CD59: variants seen among roughly 807,000 people sequenced by gnomAD.
CD59 encodes CD59 molecule (CD59 blood group), also known as CD59 glycoprotein.
Under a neutral mutation model 7.0 loss-of-function variants are expected in CD59, and 3 were observed. The ratio of observed to expected loss-of-function variants is 0.43; its 90% CI spans 0.19 to 1.10. CD59 has a LOEUF of 1.10. Among genes scored for constraint, CD59 ranks in the 50% least tolerant of loss-of-function variants. The pLI is 0.29. For missense variants in CD59, 143 were observed against 151.0 expected (o/e 0.95, Z 0.28); for synonymous variants, 60 against 62.0 (o/e 0.97, Z 0.15).
chr11:33,726,040 A>G (rs1249634254), intron 1 of CD59, among the ~76,000 whole-genome samples: 1 of 152,242 alleles, frequency 6.6e-6, no homozygotes, highest in East Asian at 1.9e-4. Context: ...GCAAGTTCTT[A>G]GAGACCTACA....
At chr11:33,714,168 T>C (rs752636485) in intron 3 of CD59, among the ~76,000 whole-genome samples, 1 of 152,210 alleles carries the variant, frequency 6.6e-6, no homozygotes, top group Non-Finnish European at 1.5e-5. Context: ...CACCATCATA[T>C]CTGTCTCTGT....
At chr11:33,712,467 G>A (rs1401186545) in intron 3 of CD59, among the ~76,000 whole-genome samples, 3 of 152,200 alleles carry the variant, frequency 2.0e-5, no homozygotes, top group African/African-American at 7.2e-5. Context: ...ATGAAGTACT[G>A]ATACATGCCA....
At chr11:33,716,659 T>G (rs544333909) in intron 3 of CD59, among the ~76,000 whole-genome samples, 1 of 152,126 alleles carries the variant, frequency 6.6e-6, no homozygotes, top group Non-Finnish European at 1.5e-5. Flanking sequence ...GTGATGGAGG[T>G]GAATATTCTG....
At chr11:33,715,820 C>A (rs187628215) in intron 3 of CD59, among the ~76,000 whole-genome samples, 1 of 152,302 alleles carries the variant, frequency 6.6e-6, no homozygotes, top group Admixed American at 6.5e-5. Flanking sequence ...CCAACACATA[C>A]ATTTCATAAA....
chr11:33,720,743 A>G (rs1854021803), intron 2 of CD59, among the ~76,000 whole-genome samples: 1 of 145,436 alleles, frequency 6.9e-6, no homozygotes, highest in Admixed American at 6.9e-5. Flanking sequence ...AAAAAAACAA[A>G]CAAAAAAAAA....
rs1853318530 is a variant in CD59 at position 33,706,564 on chromosome 11, A to C, written c.*3562T>G. The C allele has an allele frequency of 6.6e-6, 1 of 151,926 alleles. No individual in the cohort carries two copies. The allele number at this position is 151,926 out of a possible 1,614,324, so 9.4% of individuals were successfully genotyped here. A position where few individuals can be genotyped will look rare whatever the true frequency, so the allele number is the denominator to read the frequency against. On this transcript the variant is annotated 3_prime_UTR_variant, in exon 4 of 4. Coordinates refer to ENST00000642928, the MANE Select transcript of CD59 (RefSeq NM_000611.6). ...TCAGAAAGGGTTTAAAAAAAAAAAA[A>C]AAAAAAAACTTGTCCAGAGACATAG...
intron 1 of CD59, among the ~76,000 whole-genome samples, chr11:33,733,923 A>G (rs1854490091): frequency 6.6e-6 from 1 of 152,236 alleles, no homozygotes; most frequent in African/African-American, 2.4e-5. Context: ...GTGTCCTCAA[A>G]ATAAAACCCA....
At chr11:33,717,850 C>T in intron 2 of CD59, 2 of 295,388 alleles carry the variant, frequency 6.8e-6, no homozygotes, top group South Asian at 3.3e-5. Flanking sequence ...ATCACATCCT[C>T]GTGGGTTGAT....
chr11:33,718,918 C>T (rs923656971), intron 2 of CD59: 2 of 152,118 alleles, frequency 1.3e-5, no homozygotes, highest in African/African-American at 4.8e-5. Flanking sequence ...GTATGGATAC[C>T]CCCTTTTCCA....
chr11:33,713,226 T>C (rs1391010667), intron 3 of CD59, among the ~76,000 whole-genome samples: 3 of 152,184 alleles, frequency 2.0e-5, no homozygotes, highest in Admixed American at 6.5e-5. Flanking sequence ...ATGGTAGATT[T>C]TCTTCTCCAA....
Position 33,710,318 on chromosome 11 carries a change from C to G in CD59, c.195G>C (p.Trp65Cys). Reference protein sequence around the residue: ...KAGLQVYNKCWKFEHCNFNDV... With the variant: ...KAGLQVYNKCCKFEHCNFNDV... ...CGTTGAAATTGCAATGCTCAAACTT[C>G]CAACACTTGTTATACACTTGTAACC... Residue 65 changes from tryptophan (W) to cysteine (C), a missense_variant, in exon 4 of 4, where the codon TGG becomes TGC. Coordinates refer to ENST00000642928, the MANE Select transcript of CD59 (RefSeq NM_000611.6). 1.9e-6 allele frequency: 3 copies of G among 1,614,124 alleles called. No homozygotes were observed. The highest frequency in any genetic ancestry group is 1.7e-5 in the Admixed American group (1 of 60,008).
chr11:33,705,755 C>G lies in CD59; in HGVS notation c.*4371G>C, dbSNP rs1458413974. ...CCTAATAACCTCCCTTTCATATATA[C>G]ATATATCCTACTAATTCTGTCCCTC... On this transcript the variant is annotated 3_prime_UTR_variant, in exon 4 of 4. Transcript: ENST00000642928. 1 of 152,204 alleles carries G rather than the reference C, an allele frequency of 6.6e-6. No homozygotes were observed. Among genetic ancestry groups the G allele is most frequent in the Non-Finnish European group, 1.5e-5 (1 of 68,038 alleles). 9.4% of individuals were successfully genotyped at this position (152,204 alleles called of 1,614,324 possible).
chr11:33,728,593 T>G (rs1364988427), intron 1 of CD59, among the ~76,000 whole-genome samples: 1 of 152,112 alleles, frequency 6.6e-6, no homozygotes, highest in Admixed American at 6.6e-5. Context: ...GGCAATACCA[T>G]TCAGGACATA....
rs1434998918 is a variant in CD59, at chr11:33,706,814, T to C, written c.*3312A>G. Reference sequence around the variant, plus strand: ...CAGTAAAAAACAATTGCACTTTGTTTTCTTTTCCAAAAAGAGGCAGAAACT... The same window carrying C: ...CAGTAAAAAACAATTGCACTTTGTTCTCTTTTCCAAAAAGAGGCAGAAACT... On this transcript the variant is annotated 3_prime_UTR_variant, in exon 4 of 4. Transcript: ENST00000642928. 1.3e-5 allele frequency: 2 copies of C among 152,220 alleles called. No homozygotes were observed. Among genetic ancestry groups the C allele is most frequent in the East Asian group, 3.8e-4 (2 of 5,200 alleles). The allele number at this position is 152,220 out of a possible 1,614,324, so 9.4% of individuals were successfully genotyped here. A position where few individuals can be genotyped will look rare whatever the true frequency, so the allele number is the denominator to read the frequency against.
At chr11:33,730,810 C>T (rs1267829129) in intron 1 of CD59, among the ~76,000 whole-genome samples, 1 of 152,104 alleles carries the variant, frequency 6.6e-6, no homozygotes, top group Non-Finnish European at 1.5e-5. Flanking sequence ...GGCCACGCTC[C>T]CAAGAAGCAG....
rs142112589 is a variant in CD59 at position 33,713,430 on chromosome 11, GC to G, written c.170-3088del. Among the ~76,000 whole-genome samples, 85 of 152,310 alleles carry G rather than the reference GC, an allele frequency of 5.6e-4. No individual in the cohort carries two copies. The East Asian group carries it at 0.014, about 26-fold the overall frequency. On this transcript the variant is annotated intron_variant, in intron 3 of 3. Coordinates refer to ENST00000642928, the MANE Select transcript of CD59 (RefSeq NM_000611.6). ...AACACTTCTCAGTTTATAACTGCAG[GC>G]ATAACTGTCCTGTCCTCCTCCTCTG...
At chr11:33,714,457 G>A (rs1425630850) in intron 3 of CD59, among the ~76,000 whole-genome samples, 1 of 152,222 alleles carries the variant, frequency 6.6e-6, no homozygotes, top group African/African-American at 2.4e-5. Flanking sequence ...GGAAGTCAGT[G>A]AATGAGTGGT....
rs571635983 is a variant in CD59, at chr11:33,706,680, A to T, written c.*3446T>A. On this transcript the variant is annotated 3_prime_UTR_variant, in exon 4 of 4. Transcript: ENST00000642928. ...TCTCCTGAAATGAAATATCTACAAG[A>T]AGTAGCAGGCATTGAGAAACAGATG... The T allele has an allele frequency of 2.0e-5, 3 of 152,202 alleles. No homozygotes were observed. Among genetic ancestry groups the T allele is most frequent in the Non-Finnish European group, 4.4e-5 (3 of 68,032 alleles). The allele number at this position is 152,202 out of a possible 1,614,324, so 9.4% of individuals were successfully genotyped here. A position where few individuals can be genotyped will look rare whatever the true frequency, so the allele number is the denominator to read the frequency against.
Position 33,710,171 on chromosome 11 carries a change from C to A in CD59, c.342G>T (p.Leu114=), listed in dbSNP as rs563206374. The A allele has an allele frequency of 6.2e-7, 1 of 1,613,982 alleles. No individual in the cohort carries two copies. The highest frequency in any genetic ancestry group is 1.3e-5 in the African/African-American group (1 of 75,040). ...CTGCTGCCAGAAATGGAGTCACCAG[C>A]AGAAGAACTGTTTTCTCTGATAAGG... ...GTSLSEKTVL[L]LVTPFLAAAW... is the part of the protein sequence containing the mutation. The change falls in exon 4 of 4, where the codon CTG becomes CTT. Residue 114 remains leucine (L), a synonymous_variant. Transcript: ENST00000642928.
Sources: allele counts gnomAD v4.1 joint callset (sites outside exome capture counted in the v4.1 genomes callset), GRCh38; gene constraint gnomAD v4.1.1; transcripts MANE v1.5; gene names NCBI Gene and HGNC (gene_info 2026-07-23, HGNC 2026-07-21).